ZC3H12B: variants seen among roughly 807,000 people sequenced by gnomAD.
The protein encoded by ZC3H12B is zinc finger CCCH-type containing 12B.
In ZC3H12B, 7 loss-of-function variants were observed where a neutral mutation model predicts 43.9. The ratio of observed to expected loss-of-function variants is 0.16; its 90% confidence interval spans 0.09 to 0.30. The LOEUF is 0.30. ZC3H12B is among the 10% of genes least tolerant of loss of function. The probability of loss-of-function intolerance (pLI) is 1.00; values close to 1 mark genes in which losing one functional copy is unlikely to be tolerated. For synonymous variants in ZC3H12B, 222 were observed against 241.7 expected (o/e 0.92, Z 0.76); for missense variants, 475 against 670.2 (o/e 0.71, Z 3.22).
chrX:65,327,296 G>A, the ZC3H12B span, among the ~76,000 whole-genome samples: 3 of 110,826 alleles, frequency 2.7e-5, no homozygotes, highest in East Asian at 2.8e-4. Context: ...TCTACATATC[G>A]ATATATAGAT....
chrX:65,330,195 G>A, the ZC3H12B span, among the ~76,000 whole-genome samples: 1 of 111,057 alleles, frequency 9.0e-6, no homozygotes, highest in Non-Finnish European at 1.9e-5. Context: ...TCATGATTTG[G>A]CTTTCTGTTT....
intron 3 of ZC3H12B, among the ~76,000 whole-genome samples, chrX:65,423,025 C>T (rs2067038213): frequency 9.5e-6 from 1 of 105,203 alleles, no homozygotes; most frequent in Admixed American, 1.0e-4. Context: ...CTCCACCTCC[C>T]AGGTTCACGC....
chrX:65,341,329 G>A, the ZC3H12B span, among the ~76,000 whole-genome samples: 4 of 111,838 alleles, frequency 3.6e-5, no homozygotes, highest in African/African-American at 6.5e-5. Flanking sequence ...AGATACAGAG[G>A]CCAACATTCA....
At chrX:65,107,619 G>A in the ZC3H12B span, among the ~76,000 whole-genome samples, 40 of 111,155 alleles carry the variant, frequency 3.6e-4, no homozygotes, top group African/African-American at 1.1e-3. Flanking sequence ...GGATGGACCC[G>A]GTGGAAGGTA....
exon 5 of ZC3H12B, chrX:65,503,621 T>TCTTTC (rs1491405860): frequency 3.6e-5 from 4 of 112,525 alleles, no homozygotes; most frequent in African/African-American, 1.4e-4. Context: ...TTTCTTTCTT[T>TCTTTC]ATTTTTTTTT....
At chrX:65,105,570 A>G in the ZC3H12B span, among the ~76,000 whole-genome samples, 11 of 111,346 alleles carry the variant, frequency 9.9e-5, no homozygotes, top group Non-Finnish European at 1.5e-4. Context: ...GGGCGTGGTC[A>G]TGGCTCACTG....
chrX:65,119,404 T>A, the ZC3H12B span, among the ~76,000 whole-genome samples: 1 of 112,385 alleles, frequency 8.9e-6, no homozygotes, highest in Non-Finnish European at 1.9e-5. Flanking sequence ...TGGCCAGTGA[T>A]GATGAGCATT....
the ZC3H12B span, among the ~76,000 whole-genome samples, chrX:65,347,613 T>C: frequency 1.8e-5 from 2 of 111,824 alleles, no homozygotes; most frequent in Non-Finnish European, 3.8e-5. Flanking sequence ...TGTGGAGAAA[T>C]AGGAACACTT....
At chrX:65,405,386 G>A (rs1203163993) in intron 3 of ZC3H12B, among the ~76,000 whole-genome samples, 2 of 112,383 alleles carry the variant, frequency 1.8e-5, no homozygotes, top group African/African-American at 6.5e-5. Context: ...TTGGGAGGCC[G>A]AGGCAGGCGG....
At chrX:65,340,353 A>G in the ZC3H12B span, among the ~76,000 whole-genome samples, 7 of 111,940 alleles carry the variant, frequency 6.3e-5, no homozygotes, top group Non-Finnish European at 1.3e-4. Flanking sequence ...ACAGCCAACA[A>G]TCATGCACCA....
chrX:65,473,970 T>G (rs939336032), intron 3 of ZC3H12B, among the ~76,000 whole-genome samples: 6 of 111,868 alleles, frequency 5.4e-5, no homozygotes, highest in Non-Finnish European at 9.4e-5. Flanking sequence ...GTTCCATATA[T>G]GTCTATTAGT....
chrX:65,347,836 C>T, the ZC3H12B span, among the ~76,000 whole-genome samples: 1 of 112,136 alleles, frequency 8.9e-6, no homozygotes. Context: ...GGAACCAAGC[C>T]AAATGTCCAT....
the ZC3H12B span, among the ~76,000 whole-genome samples, chrX:65,085,609 C>CA: frequency 9.2e-6 from 1 of 109,150 alleles, no homozygotes; most frequent in Non-Finnish European, 1.9e-5. Context: ...CCCATCTCTA[C>CA]AAAAAATAAA....
the ZC3H12B span, among the ~76,000 whole-genome samples, chrX:65,122,782 CAAAG>C: frequency 3.6e-5 from 4 of 111,238 alleles, no homozygotes; most frequent in East Asian, 8.6e-4. Flanking sequence ...TCAAAAGAGA[CAAAG>C]AAGGCCATTA....
chrX:65,099,595 G>A, the ZC3H12B span, among the ~76,000 whole-genome samples: 37 of 111,247 alleles, frequency 3.3e-4, 1 homozygote, highest in East Asian at 0.011. Context: ...AGGGTCTGGT[G>A]TTGCCCTCCA....
upstream of ZC3H12B, among the ~76,000 whole-genome samples, chrX:65,363,301 G>A (rs1007734729): frequency 1.8e-5 from 2 of 110,687 alleles, no homozygotes; most frequent in African/African-American, 3.3e-5. Context: ...TTCTCCATCC[G>A]TTACCTACCT....
At chrX:65,315,583 G>T in the ZC3H12B span, among the ~76,000 whole-genome samples, 1 of 111,191 alleles carries the variant, frequency 9.0e-6, no homozygotes, top group Non-Finnish European at 1.9e-5. Flanking sequence ...ATCCAGAAAT[G>T]AAGCCATTTG....
the ZC3H12B span, among the ~76,000 whole-genome samples, chrX:65,045,849 T>G: frequency 8.9e-6 from 1 of 112,222 alleles, no homozygotes; most frequent in African/African-American, 3.2e-5. Flanking sequence ...CCTTGATTCA[T>G]GGACCGCAGA....
At chrX:65,219,851 C>CACACACAA in the ZC3H12B span, among the ~76,000 whole-genome samples, 2 of 104,392 alleles carry the variant, frequency 1.9e-5, no homozygotes, top group African/African-American at 3.5e-5. Flanking sequence ...CACACACACA[C>CACACACAA]AAAACACCTG....
Sources: gnomAD v4.1 joint callset for allele counts (sites outside exome capture counted in the v4.1 genomes callset) on GRCh38, gnomAD v4.1.1 for gene constraint, MANE v1.5 for transcripts, NCBI Gene and HGNC (gene_info 2026-07-23, HGNC 2026-07-21) for gene names.